The following PODXL variants were observed in gnomAD, a reference collection of about 807,000 sequenced individuals.
The protein encoded by PODXL is podocalyxin.
In PODXL, 20 loss-of-function variants were observed where a neutral mutation model predicts 48.9. The ratio of observed to expected loss-of-function variants is 0.41; its 90% CI spans 0.29 to 0.59. PODXL has a LOEUF of 0.59. PODXL is among the 20% of genes least tolerant of loss of function. The probability of loss-of-function intolerance (pLI) is 0.31; values close to 1 mark genes in which losing one functional copy is unlikely to be tolerated. For missense variants in PODXL, 606 were observed against 675.1 expected (o/e 0.90, Z 1.13); for synonymous variants, 295 against 287.4 (o/e 1.03, Z -0.27).
At chr7:131,552,592 C>G (rs1798685358) in intron 1 of PODXL, among the ~76,000 whole-genome samples, 1 of 152,208 alleles carries the variant, frequency 6.6e-6, no homozygotes, top group Non-Finnish European at 1.5e-5. Context: ...CCTGGGCAGG[C>G]CACGCTCCCC....
chr7:131,527,390 C>G (rs1798204938), intron 1 of PODXL, among the ~76,000 whole-genome samples: 1 of 152,158 alleles, frequency 6.6e-6, no homozygotes, highest in African/African-American at 2.4e-5. Flanking sequence ...TTTAGGGAAA[C>G]AGAAGATGTT....
At chr7:131,509,640 G>C (rs2116788097) in intron 3 of PODXL, 55 bp from the exon 4 acceptor site, 1 of 1,190,530 alleles carries the variant, frequency 8.4e-7, no homozygotes, top group South Asian at 1.7e-5. Flanking sequence ...CTTGCGAGAA[G>C]AGGACAATCT....
intron 1 of PODXL, among the ~76,000 whole-genome samples, chr7:131,524,379 C>CACACACACAGAGAGAGAGAGAG (rs746255906): frequency 9.6e-6 from 1 of 104,052 alleles, no homozygotes; most frequent in African/African-American, 2.8e-5. Context: ...CACACACACA[C>CACACACACAGAGAGAGAGAGAG]AGAGAGAGAG....
Position 131,546,483 on chromosome 7 carries a change from T to C in PODXL, c.100+9777A>G, listed in dbSNP as rs183280088. Among the ~76,000 whole-genome samples, 121 of 152,082 alleles carry C rather than the reference T, an allele frequency of 8.0e-4. No homozygotes were observed. In the East Asian group the frequency reaches 0.023, roughly 29 times the overall value. On this transcript the variant is annotated intron_variant, in intron 1 of 8. Transcript: ENST00000378555. Reference sequence around the variant, plus strand: ...GCTCACGTCTGTAATTCCAGCACTTTGGGAGGCTGAGGCGGGCGGATCACT... The same window carrying C: ...GCTCACGTCTGTAATTCCAGCACTTCGGGAGGCTGAGGCGGGCGGATCACT...
chr7:131,538,373 G>A (rs191628061), intron 1 of PODXL, among the ~76,000 whole-genome samples: 1 of 152,302 alleles, frequency 6.6e-6, no homozygotes, highest in East Asian at 1.9e-4. Flanking sequence ...TGGCACAGCA[G>A]CTAGTGGGGC....
At chr7:131,533,798 G>A (rs1798322104) in intron 1 of PODXL, among the ~76,000 whole-genome samples, 1 of 152,158 alleles carries the variant, frequency 6.6e-6, no homozygotes, top group Non-Finnish European at 1.5e-5. Flanking sequence ...CTAAGAGCAT[G>A]TACCAGGGAG....
intron 5 of PODXL, among the ~76,000 whole-genome samples, chr7:131,507,669 GAAA>G (rs71174953): frequency 7.5e-6 from 1 of 133,116 alleles, no homozygotes; most frequent in Non-Finnish European, 1.7e-5. Flanking sequence ...CTAGCAAAGG[GAAA>G]AAAAAAAAAA....
At chr7:131,550,723 C>A (rs1346189427) in intron 1 of PODXL, among the ~76,000 whole-genome samples, 1 of 152,098 alleles carries the variant, frequency 6.6e-6, no homozygotes, top group African/African-American at 2.4e-5. Flanking sequence ...ACTGAAAGGG[C>A]TGAGTTCTAT....
intron 1 of PODXL, among the ~76,000 whole-genome samples, chr7:131,513,248 T>A (rs987815459): frequency 1.3e-5 from 2 of 152,110 alleles, no homozygotes; most frequent in African/African-American, 4.8e-5. Context: ...GTAATCCAGA[T>A]GGAATGAACA....
intron 1 of PODXL, chr7:131,520,298 G>C (rs1430569968): frequency 1.9e-6 from 1 of 523,344 alleles, no homozygotes; most frequent in Non-Finnish European, 3.7e-6. Flanking sequence ...TGCCATGAAA[G>C]AGATGGGAAC....
intron 1 of PODXL, among the ~76,000 whole-genome samples, chr7:131,545,956 A>G (rs1226087299): frequency 6.6e-6 from 1 of 152,276 alleles, no homozygotes; most frequent in Non-Finnish European, 1.5e-5. Context: ...AAACTGAGGC[A>G]CAGAGCAATG....
chr7:131,551,950 A>AG (rs1179265501), intron 1 of PODXL, among the ~76,000 whole-genome samples: 53 of 151,144 alleles, frequency 3.5e-4, no homozygotes, highest in Middle Eastern at 3.4e-3. Flanking sequence ...AAAAAAAAAA[A>AG]CAGTGAAGGG....
chr7:131,532,129 C>A (rs2398790), intron 1 of PODXL, among the ~76,000 whole-genome samples: 105,175 of 137,568 alleles, frequency 0.76, 40,772 homozygotes, highest in East Asian at 0.91. Flanking sequence ...TAATAATCAT[C>A]ATCATCATCA....
intron 1 of PODXL, among the ~76,000 whole-genome samples, chr7:131,550,815 G>A (rs1798657679): frequency 1.3e-5 from 2 of 151,908 alleles, no homozygotes; most frequent in South Asian, 4.2e-4. Flanking sequence ...ACACACGTGT[G>A]CACACCCACC....
Position 131,506,679 on chromosome 7 carries a change from T to C in PODXL, c.1149A>G (p.Ala383=). 1 of 1,614,220 alleles carries C rather than the reference T, an allele frequency of 6.2e-7. No individual in the cohort carries two copies. ...DEKLISLICR[A]VKATFNPAQD... The stretch of plus-strand genomic sequence containing the variant: ...GGGCCGGGTTGAAGGTGGCTTTGAC[T>C]GCTCGGCATATCAGTGAGATCAATT... Residue 383 remains alanine, a synonymous_variant, in exon 6 of 9, where the codon GCA becomes GCG. Coordinates refer to ENST00000378555, the MANE Select transcript of PODXL (RefSeq NM_001018111.3).
intron 1 of PODXL, among the ~76,000 whole-genome samples, chr7:131,531,750 C>G (rs1385370444): frequency 2.0e-5 from 3 of 152,210 alleles, no homozygotes; most frequent in East Asian, 3.9e-4. Context: ...CCACTTAAAA[C>G]CAGCATGCTC....
At chr7:131,532,458 A>T (rs1447857171) in intron 1 of PODXL, among the ~76,000 whole-genome samples, 5 of 149,612 alleles carry the variant, frequency 3.3e-5, no homozygotes, top group Non-Finnish European at 7.4e-5. Context: ...AAAATTAAAA[A>T]TAAATAATAA....
chr7:131,508,981 G>A lies in PODXL; in HGVS notation c.1071C>T (p.Leu357=), dbSNP rs138160964. Residue 357 remains leucine (L), a synonymous_variant, in exon 5 of 9, where the codon CTC becomes CTT. Transcript: ENST00000378555. ...GGGTGTTTCCTGTGAGGTTCAGGAC[G>A]AGCTGCTTCTCACTCTGTGTCTGTG... is the stretch of plus-strand genomic sequence containing the variant. ...LETQTQSEKQ[L]VLNLTGNTLC... 1.4e-5 allele frequency: 23 copies of A among 1,613,798 alleles called. No homozygotes were observed. The highest frequency in any genetic ancestry group is 1.9e-5 in the Non-Finnish European group (22 of 1,179,838).
At chr7:131,520,320 G>A (rs368753172) in intron 1 of PODXL, 5 of 529,046 alleles carry the variant, frequency 9.5e-6, no homozygotes, top group African/African-American at 1.9e-5. Flanking sequence ...CCAGATGTGC[G>A]CATTGATACC....
Sources: gnomAD v4.1 joint callset for allele counts (sites outside exome capture counted in the v4.1 genomes callset) on GRCh38, gnomAD v4.1.1 for gene constraint, MANE v1.5 for transcripts, NCBI Gene and HGNC (gene_info 2026-07-23, HGNC 2026-07-21) for gene names.